The following TNC variants were observed in gnomAD, a reference collection of about 807,000 sequenced individuals.
TNC encodes the protein tenascin C.
In TNC, 109 loss-of-function variants were observed where a neutral mutation model predicts 202.4. The observed-to-expected ratio is 0.54, with a 90% CI of 0.46 to 0.63. The LOEUF (loss-of-function observed/expected upper bound fraction) is 0.63, where lower values mean the gene tolerates loss of function less well. Among genes scored for constraint, TNC ranks in the 30% least tolerant of loss-of-function variants. TNC has a pLI of 0.00. For missense variants in TNC, 2,756 were observed against 2,833.3 expected (o/e 0.97, Z 0.62); for synonymous variants, 1,007 against 1,089.7 (o/e 0.92, Z 1.50).
chr9:115,050,638 T>C (rs1831573293), intron 15 of TNC, among the ~76,000 whole-genome samples: 3 of 152,272 alleles, frequency 2.0e-5, no homozygotes, highest in Admixed American at 2.0e-4. Context: ...ATTGCATAGG[T>C]CTATTGTTCT....
chr9:115,033,630 A>G (rs1487977770), intron 22 of TNC, among the ~76,000 whole-genome samples: 2 of 152,246 alleles, frequency 1.3e-5, no homozygotes, highest in Non-Finnish European at 2.9e-5. Context: ...TGTTATATCA[A>G]TTCCAGGAAG....
rs1832209772 is a variant in TNC at position 115,057,342 on chromosome 9, T to A, written c.4390A>T (p.Ile1464Phe). The change falls in exon 15 of 28, where the codon ATC becomes TTC. Residue 1464 changes from isoleucine (I) to phenylalanine (F), a missense_variant. Ile to Phe is a conservative substitution (Grantham distance 21, BLOSUM62 0). Around this residue, in one of 2 missense-constraint regions of TNC, gnomAD observed 2,559 missense variants for 2,546.0 expected, o/e 1.01. Transcript: ENST00000350763. ...FNLSWMATDG[I>F]FETFTIEIID... ...ATTTCAATGGTAAAGGTCTCGAAGATCCCATCGGTAGCCATCCAGGAGAGA... is the reference window on the plus strand; with the variant it reads ...ATTTCAATGGTAAAGGTCTCGAAGAACCCATCGGTAGCCATCCAGGAGAGA... The A allele has an allele frequency of 3.1e-6, 5 of 1,614,158 alleles. No individual in the cohort carries two copies. The East Asian group carries it at 1.1e-4, about 36-fold the overall frequency.
rs1554806331 is a variant in TNC at position 115,069,594 on chromosome 9, C to CCCTT, written c.3214+4005_3214+4008dup. On this transcript the variant is annotated intron_variant, in intron 10 of 27. Transcript: ENST00000350763. Reference sequence around the variant, plus strand: ...TTCTTCCCTCCTCCCTTCTTTCCTTCCCTTCCTCCCTCCCTCCCTCCCTCT... The same window carrying CCCTT: ...TTCTTCCCTCCTCCCTTCTTTCCTTCCCTTCCTTCCTCCCTCCCTCCCTCCCTCT... Among the ~76,000 whole-genome samples, 25 of 74,518 alleles carry CCCTT rather than the reference C, an allele frequency of 3.4e-4. 1 individual carries two copies. The highest frequency in any genetic ancestry group is 4.3e-4 in the Non-Finnish European group (16 of 37,398). The allele number at this position is 74,518 out of a possible 152,430, so 48.9% of individuals were successfully genotyped here.
chr9:115,030,147 G>C, intron 24 of TNC, 107 bp downstream of exon 24: 1 of 1,172,048 alleles, frequency 8.5e-7, no homozygotes, highest in South Asian at 1.9e-5. Flanking sequence ...CTCACACATG[G>C]GGGTGTCAGA....
At chr9:115,073,898 C>T (rs770168542) in intron 9 of TNC, 32 bp from the exon 10 acceptor site, 4 of 1,594,528 alleles carry the variant, frequency 2.5e-6, no homozygotes, top group Non-Finnish European at 2.6e-6. Context: ...GAATGCTCTT[C>T]AGGCTGCAAG....
Position 115,057,292 on chromosome 9 carries a change from C to T in TNC, c.4440G>A (p.Glu1480=). The T allele has an allele frequency of 6.2e-7, 1 of 1,614,134 alleles. No individual in the cohort carries two copies. Among genetic ancestry groups the T allele is most frequent in the Non-Finnish European group, 8.5e-7 (1 of 1,180,032 alleles). The change falls in exon 15 of 28, where the codon GAG becomes GAA. Residue 1480 remains glutamate (E), a synonymous_variant. Coordinates refer to ENST00000350763, the MANE Select transcript of TNC (RefSeq NM_002160.4). ...IEIIDSNRLL[E]TVEYNISGAE... is the part of the protein sequence containing the mutation. ...CACCAGAGATATTATATTCCACAGT[C>T]TCCAGCAACCTATTGGAATCAATAA...
In TNC at chr9:115,038,389, A is replaced by C; in HGVS notation, c.5393-9T>G. The C allele has an allele frequency of 1.2e-6, 2 of 1,613,642 alleles. No individual in the cohort carries two copies. The highest frequency in any genetic ancestry group is 8.5e-7 in the Non-Finnish European group (1 of 1,179,690). ...AGATGGGCCATCCAGAGCTGCAAAG[A>C]AAGATGGTGGACAGGAGGGAAGTCA... On this transcript the variant is annotated splice_polypyrimidine_tract_variant and intron_variant, in intron 19 of 27. Coordinates refer to ENST00000350763, the MANE Select transcript of TNC (RefSeq NM_002160.4).
intron 4 of TNC, among the ~76,000 whole-genome samples, chr9:115,083,740 G>A (rs1357246507): frequency 6.6e-6 from 1 of 151,968 alleles, no homozygotes; most frequent in Non-Finnish European, 1.5e-5. Context: ...GAGTAGCCGG[G>A]ATTACAGGCA....
intron 14 of TNC, among the ~76,000 whole-genome samples, chr9:115,059,202 G>C (rs1832359409): frequency 1.3e-5 from 2 of 152,148 alleles, no homozygotes; most frequent in Admixed American, 6.5e-5. Flanking sequence ...ACTGCCCGGA[G>C]GAGGGTAATT....
chr9:115,073,296 T>C (rs993144197), intron 10 of TNC, among the ~76,000 whole-genome samples: 1 of 152,344 alleles, frequency 6.6e-6, no homozygotes, highest in East Asian at 1.9e-4. Context: ...GATGCTGTGA[T>C]GCACAGTTAA....
rs928970086 is a variant in TNC, at chr9:115,084,480, G to T, written c.1868-8C>A. ...GGTCTTTGGGAGGAGACACTGGCAGGAATAAGAAAGGACATCTGGTGTCAA... is the reference window on the plus strand; with the variant it reads ...GGTCTTTGGGAGGAGACACTGGCAGTAATAAGAAAGGACATCTGGTGTCAA... On this transcript the variant is annotated splice_region_variant and splice_polypyrimidine_tract_variant and intron_variant, in intron 3 of 27. Coordinates refer to ENST00000350763, the MANE Select transcript of TNC (RefSeq NM_002160.4). 9 of 1,613,114 alleles carry T rather than the reference G, an allele frequency of 5.6e-6. No homozygotes were observed. The highest frequency in any genetic ancestry group is 7.6e-6 in the Non-Finnish European group (9 of 1,179,412).
chr9:115,023,315 A>G (rs1829229162), intron 27 of TNC, among the ~76,000 whole-genome samples: 1 of 152,118 alleles, frequency 6.6e-6, no homozygotes. Flanking sequence ...ACAGCTTTAC[A>G]CTTTTCAGGA....
At chr9:115,078,761 T>C (rs563913671) in intron 6 of TNC, among the ~76,000 whole-genome samples, 1 of 152,346 alleles carries the variant, frequency 6.6e-6, no homozygotes, top group South Asian at 2.1e-4. Flanking sequence ...ATTTCAAGCC[T>C]TGCCTGTTTT....
Position 115,048,493 on chromosome 9 carries a change from A to G in TNC, c.4619T>C (p.Ile1540Thr), listed in dbSNP as rs1462170029. Residue 1540 changes from isoleucine to threonine, a missense_variant, in exon 16 of 28, where the codon ATT becomes ACT. This residue lies in a region of TNC where 2,559 missense variants were observed against 2,546.0 expected (regional missense o/e 1.01). Transcript: ENST00000350763. ...PLLENLTISD[I>T]NPYGFTVSWM... ...GGAAACTGTGAACCCGTAGGGATTA[A>G]TGTCGGAAATGGTTAGGTTTTCCAG... 4.3e-6 allele frequency: 7 copies of G among 1,613,856 alleles called. No individual in the cohort carries two copies. The highest frequency in any genetic ancestry group is 2.2e-5 in the South Asian group (2 of 91,076).
At chr9:115,038,426 A>G (rs1013587147) in intron 19 of TNC, 46 bp from the exon 20 acceptor site, 1 of 1,605,598 alleles carries the variant, frequency 6.2e-7, no homozygotes, top group Non-Finnish European at 8.5e-7. Flanking sequence ...TGGGTGGGAC[A>G]TCAGACTCTA....
At chr9:115,036,832 A>T (rs1363788127) in intron 20 of TNC, among the ~76,000 whole-genome samples, 1 of 152,196 alleles carries the variant, frequency 6.6e-6, no homozygotes, top group South Asian at 2.1e-4. Flanking sequence ...GTGACCAACC[A>T]TCCTGGTTTG....
rs759419772 is a variant in TNC at position 115,035,282 on chromosome 9, G to A, written c.5709C>T (p.Ala1903=). 2 of 1,613,466 alleles carry A rather than the reference G, an allele frequency of 1.2e-6. No individual in the cohort carries two copies. Among genetic ancestry groups the A allele is most frequent in the African/African-American group, 1.3e-5 (1 of 74,848 alleles). The change falls in exon 22 of 28, where the codon GCC becomes GCT. Residue 1903 remains alanine (A), a synonymous_variant. Transcript: ENST00000350763. ...LTATEVQSET[A]LLTWRPPRAS... Reference sequence around the variant, plus strand: ...CCCGGGGGGGTCGCCAGGTAAGGAGGGCAGTTTCCGACTGAACCTCAGTAG... The same window carrying A: ...CCCGGGGGGGTCGCCAGGTAAGGAGAGCAGTTTCCGACTGAACCTCAGTAG...
chr9:115,031,292 A>G (rs980845593), intron 23 of TNC, among the ~76,000 whole-genome samples: 1 of 152,222 alleles, frequency 6.6e-6, no homozygotes, highest in African/African-American at 2.4e-5. Flanking sequence ...TAAAGATTAT[A>G]GGATGGAAGT....
chr9:115,048,946 TC>T (rs748999105), intron 15 of TNC, among the ~76,000 whole-genome samples: 1 of 151,988 alleles, frequency 6.6e-6, no homozygotes, highest in Non-Finnish European at 1.5e-5. Flanking sequence ...TTTTTTTTTT[TC>T]GAGTATAATT....
Sources: gnomAD v4.1 joint callset for allele counts (sites outside exome capture counted in the v4.1 genomes callset) on GRCh38, gnomAD v4.1.1 for gene constraint, gnomAD v4.1.1 regional missense constraint, MANE v1.5 for transcripts, NCBI Gene and HGNC (gene_info 2026-07-23, HGNC 2026-07-21) for gene names.